Variants in GNPDA2 observed in about 807,000 individuals in gnomAD.
The protein encoded by GNPDA2 is glcN6P deaminase 2.
In GNPDA2, 24 loss-of-function variants were observed where a neutral mutation model predicts 27.0. That is an observed-to-expected ratio of 0.89 (90% CI 0.64 to 1.25). GNPDA2 has a LOEUF of 1.25. Ranked by LOEUF, GNPDA2 falls within the 50% of genes most tolerant of loss-of-function variation. GNPDA2 has a pLI of 0.00. For missense variants in GNPDA2, 286 were observed against 335.1 expected (o/e 0.85, Z 1.14); for synonymous variants, 94 against 108.4 (o/e 0.87, Z 0.83).
Position 44,701,845 on chromosome 4 carries a change from T to G in GNPDA2, c.*1236A>C. 1.0e-6 allele frequency: 1 copy of G among 984,312 alleles called. No homozygotes were observed. The highest frequency in any genetic ancestry group is 1.7e-5 in the African/African-American group (1 of 57,330). The allele number at this position is 984,312 out of a possible 1,614,324, so 61.0% of individuals were successfully genotyped here. A position where few individuals can be genotyped will look rare whatever the true frequency, so the allele number is the denominator to read the frequency against. Reference sequence around the variant, plus strand: ...GCATAATTTACCCCATCCCCCACTTTTAACCATAAAACCCTATTACCAATT... The same window carrying G: ...GCATAATTTACCCCATCCCCCACTTGTAACCATAAAACCCTATTACCAATT... On this transcript the variant is annotated 3_prime_UTR_variant, in exon 7 of 7. Transcript: ENST00000295448.
intron 1 of GNPDA2, 123 bp from the exon 2 acceptor site, chr4:44,722,365 G>A (rs2109723897): frequency 1.5e-6 from 1 of 663,646 alleles, no homozygotes; most frequent in Non-Finnish European, 2.4e-6. Context: ...ATTTTTAAAA[G>A]TACATTACTG....
chr4:44,709,934 C>T (rs1484852198), intron 5 of GNPDA2, among the ~76,000 whole-genome samples: 4 of 152,054 alleles, frequency 2.6e-5, no homozygotes, highest in African/African-American at 9.7e-5. Context: ...GCTGTAATCA[C>T]ACACTGCACT....
At chr4:44,719,144 ATCTTTGTTTTCT>A (rs749888742) in intron 2 of GNPDA2, among the ~76,000 whole-genome samples, 135 of 152,106 alleles carry the variant, frequency 8.9e-4, no homozygotes, top group Non-Finnish European at 1.6e-3. Flanking sequence ...GATGGCCTTC[ATCTTTGTTTTCT>A]AAATTTGTTA....
At chr4:44,712,230 C>T (rs1469251911) in intron 4 of GNPDA2, among the ~76,000 whole-genome samples, 1 of 152,036 alleles carries the variant, frequency 6.6e-6, no homozygotes, top group Admixed American at 6.6e-5. Flanking sequence ...AATAAATCTG[C>T]CAATTCCTTG....
chr4:44,708,817 T>C (rs1716783338), intron 5 of GNPDA2, among the ~76,000 whole-genome samples: 1 of 152,158 alleles, frequency 6.6e-6, no homozygotes, highest in Non-Finnish European at 1.5e-5. Context: ...TTACATATTT[T>C]ATAACTAGAC....
At chr4:44,719,784 G>T (rs1318633895) in intron 2 of GNPDA2, among the ~76,000 whole-genome samples, 2 of 151,044 alleles carry the variant, frequency 1.3e-5, no homozygotes, top group African/African-American at 4.9e-5. Flanking sequence ...CAAAAAAAAA[G>T]ACTGAAGAAA....
chr4:44,723,957 T>A (rs1717843782), intron 1 of GNPDA2, among the ~76,000 whole-genome samples: 1 of 152,172 alleles, frequency 6.6e-6, no homozygotes, highest in South Asian at 2.1e-4. Context: ...TGGCTCCCTA[T>A]GCAGATGAAG....
At chr4:44,710,106 C>CT (rs1376618394) in intron 5 of GNPDA2, among the ~76,000 whole-genome samples, 3 of 151,974 alleles carry the variant, frequency 2.0e-5, no homozygotes, top group South Asian at 2.1e-4. Flanking sequence ...CTCTAAAATC[C>CT]TTTTTTCAAC....
intron 4 of GNPDA2, chr4:44,714,135 C>A (rs1717141693): frequency 5.6e-6 from 1 of 179,072 alleles, no homozygotes; most frequent in South Asian, 1.9e-4. Context: ...CCACGCCCAG[C>A]TAATTTTGTA....
chr4:44,703,165 C>G (rs1716378145), intron 6 of GNPDA2, 23 bp from the exon 7 acceptor site: 1 of 1,595,166 alleles, frequency 6.3e-7, no homozygotes. Flanking sequence ...AAGCACAGTT[C>G]TAGTTGTTTT....
intron 1 of GNPDA2, among the ~76,000 whole-genome samples, chr4:44,723,474 C>G (rs377470712): frequency 6.6e-5 from 10 of 152,150 alleles, no homozygotes; most frequent in African/African-American, 2.4e-4. Flanking sequence ...TTAACTCCCA[C>G]TTGTAAGTGA....
intron 3 of GNPDA2, among the ~76,000 whole-genome samples, chr4:44,718,046 AGTG>A (rs1717422005): frequency 6.6e-6 from 1 of 151,882 alleles, no homozygotes; most frequent in Non-Finnish European, 1.5e-5. Context: ...ATCACTGTTG[AGTG>A]GCAGAGCCCA....
chr4:44,708,067 T>C lies in GNPDA2; in HGVS notation c.595-141A>G. On this transcript the variant is annotated intron_variant, in intron 5 of 6. Transcript: ENST00000295448. ...TAGCTCCACATAATAGTTCAAGGTATTCATTTCTACTTTTTAAGATTAACA... is the reference window on the plus strand; with the variant it reads ...TAGCTCCACATAATAGTTCAAGGTACTCATTTCTACTTTTTAAGATTAACA... The C allele has an allele frequency of 5.8e-6, 3 of 517,982 alleles. No homozygotes were observed. The South Asian group carries it at 1.3e-4, about 22-fold the overall frequency. The allele number at this position is 517,982 out of a possible 1,614,324, so 32.1% of individuals were successfully genotyped here. A position where few individuals can be genotyped will look rare whatever the true frequency, so the allele number is the denominator to read the frequency against.
rs754899233 is a variant in GNPDA2, at chr4:44,722,211, G to C, written c.-4C>G. The C allele has an allele frequency of 1.6e-5, 25 of 1,612,706 alleles. No individual in the cohort carries two copies. The highest frequency in any genetic ancestry group is 1.4e-5 in the Non-Finnish European group (16 of 1,179,292). On this transcript the variant is annotated 5_prime_UTR_variant, in exon 2 of 7. Coordinates refer to ENST00000295448, the MANE Select transcript of GNPDA2 (RefSeq NM_138335.3). Reference sequence around the variant, plus strand: ...TATCAAGAATTACAAGCCTCATTACGGTGACGCACAGCTTCCAGAACAAGT... The same window carrying C: ...TATCAAGAATTACAAGCCTCATTACCGTGACGCACAGCTTCCAGAACAAGT...
intron 6 of GNPDA2, chr4:44,705,222 T>C (rs951809688): frequency 6.5e-5 from 64 of 981,306 alleles, no homozygotes; most frequent in Non-Finnish European, 7.1e-5. Flanking sequence ...CTCCAGTATT[T>C]TGATATACTA....
intron 4 of GNPDA2, among the ~76,000 whole-genome samples, chr4:44,711,881 A>T (rs2035229588): frequency 6.6e-6 from 1 of 151,774 alleles, no homozygotes; most frequent in Non-Finnish European, 1.5e-5. Flanking sequence ...AATTCCATGA[A>T]ATCATACTTA....
rs1423979034 is a variant in GNPDA2 at position 44,702,748 on chromosome 4, G to C, written c.*333C>G. On this transcript the variant is annotated 3_prime_UTR_variant, in exon 7 of 7. Transcript: ENST00000295448. ...TTAAAAAATGAAATATACGCCACTG[G>C]AGTCATATCACAAATGGTGCCTGAT... The C allele has an allele frequency of 2.7e-6, 3 of 1,113,928 alleles. No individual in the cohort carries two copies. Among genetic ancestry groups the C allele is most frequent in the African/African-American group, 3.4e-5 (2 of 59,146 alleles). 69.0% of individuals were successfully genotyped at this position (1,113,928 alleles called of 1,614,324 possible).
At chr4:44,709,326 A>C (rs1716820652) in intron 5 of GNPDA2, among the ~76,000 whole-genome samples, 4 of 152,164 alleles carry the variant, frequency 2.6e-5, no homozygotes. Flanking sequence ...GATAAAACAA[A>C]TTGGTCTTTA....
At chr4:44,715,184 C>T (rs1410977830) in intron 4 of GNPDA2, among the ~76,000 whole-genome samples, 6 of 152,104 alleles carry the variant, frequency 3.9e-5, no homozygotes, top group Admixed American at 3.3e-4. Context: ...GAAAGTTCTA[C>T]CAGACATCTT....
Sources: allele counts gnomAD v4.1 joint callset (sites outside exome capture counted in the v4.1 genomes callset), GRCh38; gene constraint gnomAD v4.1.1; transcripts MANE v1.5; gene names NCBI Gene and HGNC (gene_info 2026-07-23, HGNC 2026-07-21).